Variants in GABBR2 observed in about 807,000 individuals in gnomAD.
GABBR2 encodes gamma-aminobutyric acid type B receptor subunit 2.
In GABBR2, 23 loss-of-function variants were observed where a neutral mutation model predicts 105.6. The ratio of observed to expected loss-of-function variants is 0.22; its 90% CI spans 0.16 to 0.31. The LOEUF (loss-of-function observed/expected upper bound fraction) is 0.31. Ranked by LOEUF, GABBR2 falls within the 10% of genes least tolerant of loss-of-function variation. The pLI is 1.00. For missense variants in GABBR2, 734 were observed against 1,245.5 expected (o/e 0.59, Z 6.18); for synonymous variants, 478 against 499.7 (o/e 0.96, Z 0.58).
At position 98,548,829 on chromosome 9, in the gene GABBR2, T is replaced by G. The variant is rs1010160721; in HGVS notation, c.460-6786A>C. ...TTTCTCAATCTAGAGCCATCTACTT[T>G]GTAATTAATGAAGCTTCTAAACATC... On this transcript the variant is annotated intron_variant, in intron 2 of 18. Transcript: ENST00000259455. Among the ~76,000 whole-genome samples the G allele has an allele frequency of 3.3e-5, 4 of 121,864 alleles. 1 individual carries two copies. The highest frequency in any genetic ancestry group is 7.4e-5 in the Non-Finnish European group (4 of 54,220). 79.9% of individuals were successfully genotyped at this position (121,864 alleles called of 152,430 possible).
chr9:98,350,177 CAA>C (rs35948835), intron 13 of GABBR2, among the ~76,000 whole-genome samples: 53 of 145,724 alleles, frequency 3.6e-4, no homozygotes, highest in Middle Eastern at 3.5e-3. Context: ...TTTATCTTCT[CAA>C]AAAAAAAAAC....
At chr9:98,515,948 TAGAGGAAGAAG>T (rs1431836422) in intron 3 of GABBR2, 3 of 151,062 alleles carry the variant, frequency 2.0e-5, no homozygotes, top group Non-Finnish European at 4.4e-5. Context: ...GAGGGGAGAG[TAGAGGAAGAAG>T]AGAGGAAGAG....
At chr9:98,507,830 C>A (rs1401192797) in intron 3 of GABBR2, among the ~76,000 whole-genome samples, 2 of 152,156 alleles carry the variant, frequency 1.3e-5, no homozygotes, top group Non-Finnish European at 2.9e-5. Context: ...CCTCCAGATG[C>A]CTAGCACAGG....
chr9:98,658,954 C>T (rs1232888353), intron 1 of GABBR2, among the ~76,000 whole-genome samples: 1 of 152,170 alleles, frequency 6.6e-6, no homozygotes, highest in Non-Finnish European at 1.5e-5. Context: ...ACTTTTCTTC[C>T]ATGTACTCAA....
intron 2 of GABBR2, among the ~76,000 whole-genome samples, chr9:98,558,904 C>T (rs1828627976): frequency 6.6e-6 from 1 of 152,192 alleles, no homozygotes; most frequent in African/African-American, 2.4e-5. Context: ...TTTGACTCTT[C>T]GTAGAAACTG....
At chr9:98,546,458 C>A (rs1289905532) in intron 2 of GABBR2, among the ~76,000 whole-genome samples, 2 of 152,146 alleles carry the variant, frequency 1.3e-5, no homozygotes, top group South Asian at 4.1e-4. Flanking sequence ...TATACTTTTG[C>A]CTAGTGCAAA....
Position 98,435,366 on chromosome 9 carries a change from C to A in GABBR2, c.1236+18615G>T, listed in dbSNP as rs1380434984. 4.6e-5 allele frequency among the ~76,000 whole-genome samples: 7 copies of A among 152,296 alleles called. No homozygotes were observed. In the East Asian group the frequency reaches 1.3e-3, roughly 29 times the overall value. ...ATGGAAAGTAATTGCATTAGGAGCA[C>A]ACCCTCCATCATCCCCTCTCTTCTG... On this transcript the variant is annotated intron_variant, in intron 7 of 18. Coordinates refer to ENST00000259455, the MANE Select transcript of GABBR2 (RefSeq NM_005458.8).
In GABBR2 at chr9:98,454,899, C is replaced by T. The variant is rs1302156725; in HGVS notation, c.1000-682G>A. Among the ~76,000 whole-genome samples the T allele has an allele frequency of 1.3e-5, 2 of 152,194 alleles. No individual in the cohort carries two copies. The highest frequency in any genetic ancestry group is 2.9e-5 in the Non-Finnish European group (2 of 68,038). On this transcript the variant is annotated intron_variant, in intron 6 of 18. Coordinates refer to ENST00000259455, the MANE Select transcript of GABBR2 (RefSeq NM_005458.8). The surrounding 1 kb of genome is among the most constrained non-coding windows in gnomAD (Gnocchi z 4.6). Reference sequence around the variant, plus strand: ...CCTCAAGAACTGGGGCAAGAGGCTCCCTAGACCCTGGAAGTGGCTCCAGCT... The same window carrying T: ...CCTCAAGAACTGGGGCAAGAGGCTCTCTAGACCCTGGAAGTGGCTCCAGCT...
At chr9:98,491,878 C>T (rs373656067) in intron 4 of GABBR2, among the ~76,000 whole-genome samples, 1 of 152,310 alleles carries the variant, frequency 6.6e-6, no homozygotes, top group East Asian at 1.9e-4. Context: ...ATGATCCCTG[C>T]TCAGCCGTTT....
intron 3 of GABBR2, among the ~76,000 whole-genome samples, chr9:98,526,745 C>T (rs1456413484): frequency 6.6e-6 from 1 of 152,086 alleles, no homozygotes; most frequent in African/African-American, 2.4e-5. Flanking sequence ...AATGTATTAC[C>T]AAATGGGTAC....
chr9:98,476,425 T>C (rs1470610572), intron 5 of GABBR2, among the ~76,000 whole-genome samples: 2 of 152,212 alleles, frequency 1.3e-5, no homozygotes, highest in African/African-American at 4.8e-5. Flanking sequence ...AAACAGCAGA[T>C]TTTCTGCCAC....
In GABBR2 at chr9:98,600,155, A is replaced by T. The variant is rs865860963; in HGVS notation, c.322-22083T>A. On this transcript the variant is annotated intron_variant, in intron 1 of 18. Transcript: ENST00000259455. ...CAAGGAAGGGCTGTGCAGCCCCCCA[A>T]ATCTCCCCTTTTCTCATTTCAATGA... 1.1e-4 allele frequency among the ~76,000 whole-genome samples: 16 copies of T among 152,248 alleles called. No homozygotes were observed. The South Asian group carries it at 2.5e-3, about 24-fold the overall frequency.
At chr9:98,345,337 T>C (rs1831284828) in intron 13 of GABBR2, among the ~76,000 whole-genome samples, 1 of 152,204 alleles carries the variant, frequency 6.6e-6, no homozygotes, top group South Asian at 2.1e-4. Context: ...AAACTCCTCT[T>C]CTTAGCACAC....
At chr9:98,345,504 A>G (rs1588113750) in intron 13 of GABBR2, among the ~76,000 whole-genome samples, 1 of 152,202 alleles carries the variant, frequency 6.6e-6, no homozygotes, top group East Asian at 1.9e-4. Context: ...TAACCTACTT[A>G]ATGGTGAAAA....
chr9:98,498,113 A>T (rs2104905), intron 3 of GABBR2, among the ~76,000 whole-genome samples: 2 of 151,958 alleles, frequency 1.3e-5, no homozygotes, highest in African/African-American at 4.8e-5. Flanking sequence ...ATCATGCTAC[A>T]TGAAATAAGG....
intron 1 of GABBR2, among the ~76,000 whole-genome samples, chr9:98,618,080 G>A (rs931130652): frequency 1.3e-5 from 2 of 152,124 alleles, no homozygotes; most frequent in Non-Finnish European, 2.9e-5. Context: ...TCTTATTCTT[G>A]CCATCATGAA....
At chr9:98,324,799 C>T (rs950647901) in intron 13 of GABBR2, among the ~76,000 whole-genome samples, 1 of 152,280 alleles carries the variant, frequency 6.6e-6, no homozygotes, top group South Asian at 2.1e-4. Context: ...GCCTGCAATC[C>T]TCCTCTGATG....
Position 98,651,154 on chromosome 9 carries a change from T to G in GABBR2, c.321+57263A>C, listed in dbSNP as rs569797040. On this transcript the variant is annotated intron_variant, in intron 1 of 18. Transcript: ENST00000259455. ...ACACACACTGGTTTTTTTTTTTTTT[T>G]TTTTTTTTTGAGACAGTGTTACTCT... is the stretch of plus-strand genomic sequence containing the variant. Among the ~76,000 whole-genome samples the G allele has an allele frequency of 2.0e-3, 304 of 150,582 alleles. 13 individuals carry two copies. The highest frequency in any genetic ancestry group is 2.8e-4 in the Non-Finnish European group (19 of 67,618).
chr9:98,639,039 C>G (rs1270732594), intron 1 of GABBR2, among the ~76,000 whole-genome samples: 2 of 152,198 alleles, frequency 1.3e-5, no homozygotes, highest in Non-Finnish European at 2.9e-5. Flanking sequence ...TCATCTGCAT[C>G]TCATTATTGG....
Sources: allele counts gnomAD v4.1 joint callset (sites outside exome capture counted in the v4.1 genomes callset), GRCh38; gene constraint gnomAD v4.1.1; non-coding constraint Gnocchi (gnomAD v3.1); transcripts MANE v1.5; gene names NCBI Gene and HGNC (gene_info 2026-07-23, HGNC 2026-07-21).